Variants in NDUFA5 observed in about 807,000 individuals in gnomAD.
NDUFA5 encodes NADH:ubiquinone oxidoreductase subunit A5.
In NDUFA5, 11 loss-of-function variants were observed where a neutral mutation model predicts 19.8. The observed-to-expected ratio is 0.56, with a 90% CI of 0.35 to 0.92. The LOEUF is 0.92. NDUFA5 is among the 40% of genes least tolerant of loss of function. The pLI, the probability that NDUFA5 is intolerant of heterozygous loss-of-function variation, is 0.01. For synonymous variants in NDUFA5, 47 were observed against 46.8 expected (o/e 1.00, Z -0.01); for missense variants, 109 against 134.2 (o/e 0.81, Z 0.93).
the NDUFA5 span, among the ~76,000 whole-genome samples, chr7:123,585,699 T>A: frequency 6.6e-6 from 1 of 151,642 alleles, no homozygotes; most frequent in Non-Finnish European, 1.5e-5. Context: ...TAGCAAACTT[T>A]AAGTATACTA....
the NDUFA5 span, among the ~76,000 whole-genome samples, chr7:123,565,000 G>A: frequency 6.6e-6 from 1 of 151,370 alleles, no homozygotes; most frequent in East Asian, 2.0e-4. Flanking sequence ...ATAGAAATTG[G>A]CTTATGCAAT....
Position 123,557,404 on chromosome 7 carries a change from C to G in NDUFA5, c.66G>C (p.Glu22Asp), listed in dbSNP as rs374799928. 1.1e-5 allele frequency: 17 copies of G among 1,613,484 alleles called. No individual in the cohort carries two copies. Among genetic ancestry groups the G allele is most frequent in the Admixed American group, 1.7e-5 (1 of 59,904 alleles). The change falls in exon 2 of 5, where the codon GAG becomes GAC. Residue 22 changes from glutamate (E) to aspartate (D), a missense_variant and splice_region_variant. Glu to Asp is a conservative substitution (Grantham distance 45, BLOSUM62 2). Coordinates refer to ENST00000355749, the MANE Select transcript of NDUFA5 (RefSeq NM_005000.5). ...ACGAAGAAAGAACAAAGGTACATAC[C>G]TCGTGAGGAGTATTGCACACAGCCA... ...VGLAVCNTPH[E>D]RLRILYTKIL...
the NDUFA5 span, among the ~76,000 whole-genome samples, chr7:123,564,505 T>C: frequency 1.3e-5 from 2 of 152,132 alleles, no homozygotes; most frequent in Non-Finnish European, 2.9e-5. Context: ...ATATTTAATA[T>C]TTCATTTTAA....
chr7:123,585,392 A>G, the NDUFA5 span, among the ~76,000 whole-genome samples: 129 of 151,912 alleles, frequency 8.5e-4, no homozygotes, highest in African/African-American at 3.1e-3. Flanking sequence ...AAAGTCCTCA[A>G]ACTGACACAT....
chr7:123,568,147 G>A, the NDUFA5 span, among the ~76,000 whole-genome samples: 1 of 152,112 alleles, frequency 6.6e-6, no homozygotes, highest in South Asian at 2.1e-4. Context: ...ATGTGAAAAT[G>A]GGGATATCTC....
intron 3 of NDUFA5, among the ~76,000 whole-genome samples, chr7:123,548,891 G>T (rs1299202124): frequency 6.6e-6 from 1 of 152,064 alleles, no homozygotes; most frequent in East Asian, 1.9e-4. Context: ...TGCATCTGTG[G>T]ATTCAACTAA....
the NDUFA5 span, among the ~76,000 whole-genome samples, chr7:123,577,762 G>A: frequency 6.6e-6 from 1 of 152,026 alleles, no homozygotes; most frequent in Non-Finnish European, 1.5e-5. Flanking sequence ...TCTCCATCCA[G>A]CTCATGTTTC....
At chr7:123,592,943 T>A in the NDUFA5 span, among the ~76,000 whole-genome samples, 1 of 152,212 alleles carries the variant, frequency 6.6e-6, no homozygotes, top group Non-Finnish European at 1.5e-5. Context: ...ATTTTATGAA[T>A]CTCGGTGCTC....
At chr7:123,542,363 A>C in intron 4 of NDUFA5, 143 bp from the exon 5 acceptor site, 1 of 575,162 alleles carries the variant, frequency 1.7e-6, no homozygotes, top group Non-Finnish European at 3.0e-6. Flanking sequence ...AATATTAAGT[A>C]ATTAAATTAC....
upstream of NDUFA5, chr7:123,557,989 A>G (rs1051438496): frequency 9.6e-6 from 8 of 834,084 alleles, no homozygotes; most frequent in Non-Finnish European, 1.5e-5. Context: ...TGGGCATACA[A>G]GCCTAAAGCT....
chr7:123,563,808 A>T, the NDUFA5 span, among the ~76,000 whole-genome samples: 1 of 152,220 alleles, frequency 6.6e-6, no homozygotes, highest in Non-Finnish European at 1.5e-5. Flanking sequence ...AGGGTCACAG[A>T]GCCACAGGCA....
chr7:123,544,088 A>C (rs1188399746), intron 4 of NDUFA5, among the ~76,000 whole-genome samples: 4 of 152,228 alleles, frequency 2.6e-5, no homozygotes, highest in African/African-American at 7.2e-5. Context: ...AAAAAGATGC[A>C]ACAAAATAAA....
the NDUFA5 span, among the ~76,000 whole-genome samples, chr7:123,583,243 A>T: frequency 6.6e-6 from 1 of 151,956 alleles, no homozygotes; most frequent in Non-Finnish European, 1.5e-5. Context: ...AAATAAATAG[A>T]TAAATAAATA....
the NDUFA5 span, among the ~76,000 whole-genome samples, chr7:123,582,790 T>A: frequency 1.4e-4 from 22 of 152,062 alleles, no homozygotes; most frequent in East Asian, 4.3e-3. Context: ...TGACTGAGAG[T>A]AAGAACTGCC....
the NDUFA5 span, among the ~76,000 whole-genome samples, chr7:123,570,016 A>G: frequency 6.6e-6 from 1 of 150,522 alleles, no homozygotes; most frequent in African/African-American, 2.4e-5. Flanking sequence ...AAAGTTTACA[A>G]CTACTGCCAT....
At chr7:123,560,541 G>C (rs370022397), upstream of NDUFA5, among the ~76,000 whole-genome samples, 4 of 152,330 alleles carry the variant, frequency 2.6e-5, no homozygotes, top group African/African-American at 9.6e-5. Flanking sequence ...TACTATGGAT[G>C]AGGTGGCTTA....
At chr7:123,600,576 T>A in the NDUFA5 span, among the ~76,000 whole-genome samples, 1 of 152,204 alleles carries the variant, frequency 6.6e-6, no homozygotes, top group African/African-American at 2.4e-5. Flanking sequence ...CATTGAAAAA[T>A]TCCAAATTAG....
At chr7:123,554,006 G>A (rs1216305324) in intron 2 of NDUFA5, among the ~76,000 whole-genome samples, 3 of 152,152 alleles carry the variant, frequency 2.0e-5, no homozygotes, top group African/African-American at 7.2e-5. Flanking sequence ...AGAACTGAAT[G>A]GCAGAAAATA....
chr7:123,593,992 T>A, the NDUFA5 span, among the ~76,000 whole-genome samples: 1 of 152,130 alleles, frequency 6.6e-6, no homozygotes, highest in Non-Finnish European at 1.5e-5. Flanking sequence ...TCACTCTTTT[T>A]TCTCTAATCT....
Sources: gnomAD v4.1 joint callset for allele counts (sites outside exome capture counted in the v4.1 genomes callset) on GRCh38, gnomAD v4.1.1 for gene constraint, MANE v1.5 for transcripts, NCBI Gene and HGNC (gene_info 2026-07-23, HGNC 2026-07-21) for gene names.